Variants in ZNF586 observed in about 807,000 individuals in gnomAD.
The protein encoded by ZNF586 is zinc finger protein 586.
In ZNF586, 7 loss-of-function variants were observed where a neutral mutation model predicts 6.7. The observed-to-expected ratio is 1.04, with a 90% CI of 0.59 to 1.95. The LOEUF is 1.95. Among genes scored for constraint, ZNF586 ranks in the 30% most tolerant of loss-of-function variants. The probability of loss-of-function intolerance (pLI) is 0.00; values close to 1 mark genes in which losing one functional copy is unlikely to be tolerated. For synonymous variants in ZNF586, 166 were observed against 168.7 expected, an observed-to-expected ratio of 0.98 and a Z score of 0.12; for missense variants, 442 against 489.6, an observed-to-expected ratio of 0.90 and a Z score of 0.92.
chr19:57,779,729 C>G lies in ZNF586; in HGVS notation c.1142C>G (p.Ser381Ter), dbSNP rs1237302527. The G allele has an allele frequency of 6.2e-7, 1 of 1,613,430 alleles. No homozygotes were observed. The highest frequency in any genetic ancestry group is 1.7e-5 in the Admixed American group (1 of 59,990). ...RPYECIDCGK[S>*]FRHSSSFRRH... is the part of the protein sequence containing the mutation. ...TATGAATGCATTGATTGTGGAAAATCATTTCGCCACAGTTCTTCGTTCCGT... is the reference window on the plus strand; with the variant it reads ...TATGAATGCATTGATTGTGGAAAATGATTTCGCCACAGTTCTTCGTTCCGT... The change falls in exon 3 of 3, where the codon TCA becomes TGA. Residue 381 changes from serine (S) to a stop codon, truncating the protein, a stop_gained. Transcript: ENST00000396154. LOFTEE classifies it low-confidence loss of function (END_TRUNC).
chr19:57,771,429 T>C lies in ZNF586; in HGVS notation c.36+1551T>C, dbSNP rs576608750. On this transcript the variant is annotated intron_variant, in intron 1 of 2. Transcript: ENST00000396154. ...AAGTGCTGGGATGCCAAGCAGGAAC[T>C]ACCGCACCTCCTAGGACACTTAAGT... 5.9e-5 allele frequency among the ~76,000 whole-genome samples: 9 copies of C among 152,064 alleles called. No individual in the cohort carries two copies. The East Asian group carries it at 1.6e-3, about 26-fold the overall frequency.
chr19:57,774,165 G>A (rs9676452), intron 1 of ZNF586, among the ~76,000 whole-genome samples: 1 of 144,782 alleles, frequency 6.9e-6, no homozygotes, highest in Non-Finnish European at 1.5e-5. Context: ...GCAGTGAACC[G>A]AGATTGTGTC....
chr19:57,779,343 C>T lies in ZNF586; in HGVS notation c.756C>T (p.His252=), dbSNP rs763510801. Residue 252 remains histidine (H), a synonymous_variant, in exon 3 of 3, where the codon CAC becomes CAT. Transcript: ENST00000396154. ...CTGAAAACTCCAGTCTTATTAAACA[C>T]TTGAGAGTTCACACAGGAGAAAGGC... is the stretch of plus-strand genomic sequence containing the variant. ...SFAENSSLIK[H]LRVHTGERPY... is the part of the protein sequence containing the mutation. 3.7e-6 allele frequency: 6 copies of T among 1,612,648 alleles called. No homozygotes were observed. In the Admixed American group the frequency reaches 5.0e-5, roughly 13 times the overall value.
intron 2 of ZNF586, among the ~76,000 whole-genome samples, chr19:57,777,871 T>C (rs1282177035): frequency 6.9e-6 from 1 of 145,036 alleles, no homozygotes; most frequent in Non-Finnish European, 1.5e-5. Flanking sequence ...TTCTCTGGCC[T>C]CAGCCTCCTG....
intron 1 of ZNF586, among the ~76,000 whole-genome samples, chr19:57,775,877 C>T (rs921793113): frequency 1.3e-5 from 2 of 152,188 alleles, no homozygotes; most frequent in Admixed American, 6.5e-5. Context: ...ACTGGGATTA[C>T]AGGCGTGCGC....
At chr19:57,769,903 T>TTGCCCCCCCA in intron 1 of ZNF586, 25 bp downstream of exon 1, 23 of 1,475,800 alleles carry the variant, frequency 1.6e-5, no homozygotes, top group Non-Finnish European at 1.9e-5. Flanking sequence ...CTCCGGGCCT[T>TTGCCCCCCCA]ACCCACCCTA....
chr19:57,778,072 T>C (rs1020119878), intron 2 of ZNF586, among the ~76,000 whole-genome samples: 50 of 131,522 alleles, frequency 3.8e-4, no homozygotes, highest in Middle Eastern at 3.8e-3. Flanking sequence ...GAGTATATAA[T>C]CTTTTTTTTT....
At chr19:57,772,452 G>C (rs868323417) in intron 1 of ZNF586, among the ~76,000 whole-genome samples, 1 of 151,978 alleles carries the variant, frequency 6.6e-6, no homozygotes, top group Non-Finnish European at 1.5e-5. Flanking sequence ...TCAGTCCCAC[G>C]GGACTGTCCG....
chr19:57,773,019 A>C (rs751126062), intron 1 of ZNF586, among the ~76,000 whole-genome samples: 2 of 152,192 alleles, frequency 1.3e-5, no homozygotes, highest in Non-Finnish European at 2.9e-5. Flanking sequence ...TGAGAATTTC[A>C]TGAATTTTAG....
At chr19:57,775,326 CAG>C (rs767436515) in intron 1 of ZNF586, among the ~76,000 whole-genome samples, 5 of 152,050 alleles carry the variant, frequency 3.3e-5, no homozygotes, top group Non-Finnish European at 7.4e-5. Flanking sequence ...TTTCTACCCA[CAG>C]AGTTACTCAA....
In ZNF586 at chr19:57,779,208, A is replaced by T; in HGVS notation, c.621A>T (p.Glu207Asp). Reference sequence around the variant, plus strand: ...TTCACTCTGGAGCAAAGCGTTATGAATGCAATGAATGTGGGAAGTCCTTTG... The same window carrying T: ...TTCACTCTGGAGCAAAGCGTTATGATTGCAATGAATGTGGGAAGTCCTTTG... ...RKVHSGAKRY[E>D]CNECGKSFAY... Residue 207 changes from glutamate to aspartate, a missense_variant, in exon 3 of 3, where the codon GAA (glutamate) becomes GAT (aspartate). Glu to Asp is a conservative substitution (Grantham distance 45). Transcript: ENST00000396154. The T allele has an allele frequency of 6.2e-7, 1 of 1,614,066 alleles. No individual in the cohort carries two copies. The highest frequency in any genetic ancestry group is 8.5e-7 in the Non-Finnish European group (1 of 1,180,002).
intron 1 of ZNF586, among the ~76,000 whole-genome samples, chr19:57,770,385 A>G (rs1987066773): frequency 6.6e-6 from 1 of 152,002 alleles, no homozygotes; most frequent in Admixed American, 6.6e-5. Context: ...TCGGCCTCCC[A>G]AAGTGCTGGG....
At chr19:57,778,400 C>T (rs1291455904) in intron 2 of ZNF586, among the ~76,000 whole-genome samples, 1 of 152,062 alleles carries the variant, frequency 6.6e-6, no homozygotes, top group Non-Finnish European at 1.5e-5. Context: ...CTTAACAGTC[C>T]CTGACCAAAG....
chr19:57,780,128 A>C lies in ZNF586; in HGVS notation c.*332A>C. ...GCCTAAATTGAATGTCATACATCAAATAGCTGCATACATTCCAGGTATGTG... is the reference window on the plus strand; with the variant it reads ...GCCTAAATTGAATGTCATACATCAACTAGCTGCATACATTCCAGGTATGTG... On this transcript the variant is annotated 3_prime_UTR_variant, in exon 3 of 3. Coordinates refer to ENST00000396154, the MANE Select transcript of ZNF586 (RefSeq NM_017652.4). 3.4e-6 allele frequency: 1 copy of C among 293,360 alleles called. No individual in the cohort carries two copies. The highest frequency in any genetic ancestry group is 2.2e-5 in the African/African-American group (1 of 45,956). 18.2% of individuals were successfully genotyped at this position (293,360 alleles called of 1,614,324 possible).
In ZNF586 at chr19:57,769,828, C is replaced by CA. The variant is rs1017145220; in HGVS notation, c.-15_-14insA. 19 of 1,545,660 alleles carry CA rather than the reference C, an allele frequency of 1.2e-5. No individual in the cohort carries two copies. Among genetic ancestry groups the CA allele is most frequent in the East Asian group, 4.9e-5 (2 of 40,620 alleles). On this transcript the variant is annotated 5_prime_UTR_variant, in exon 1 of 3. Transcript: ENST00000396154. The stretch of plus-strand genomic sequence containing the variant: ...GGAACACCGCCGAGCCCGCGTTCCC[C>CA]CCCCGCCCAGAGTCATGGCGGCAGC...
Position 57,769,763 on chromosome 19 carries a change from G to C in ZNF586, c.-80G>C, listed in dbSNP as rs1440750316. 7 of 1,456,930 alleles carry C rather than the reference G, an allele frequency of 4.8e-6. No homozygotes were observed. The highest frequency in any genetic ancestry group is 2.0e-5 in the Admixed American group (1 of 50,646). 90.3% of individuals were successfully genotyped at this position (1,456,930 alleles called of 1,614,324 possible). A position where few individuals can be genotyped will look rare whatever the true frequency, so the allele number is the denominator to read the frequency against. ...TTGCACACAGGCGGATCTGAGGTTCGGCGACGCCGCTGGTCGCGACCCGGG... is the reference window on the plus strand; with the variant it reads ...TTGCACACAGGCGGATCTGAGGTTCCGCGACGCCGCTGGTCGCGACCCGGG... On this transcript the variant is annotated 5_prime_UTR_variant, in exon 1 of 3. Coordinates refer to ENST00000396154, the MANE Select transcript of ZNF586 (RefSeq NM_017652.4).
intron 1 of ZNF586, among the ~76,000 whole-genome samples, chr19:57,772,173 A>C (rs958179365): frequency 2.0e-5 from 3 of 152,310 alleles, no homozygotes; most frequent in East Asian, 3.9e-4. Context: ...GGATTCAGGA[A>C]ACACCCCTGG....
Position 57,778,627 on chromosome 19 carries a change from C to T in ZNF586, c.164-124C>T. 4 of 874,352 alleles carry T rather than the reference C, an allele frequency of 4.6e-6. No homozygotes were observed. The South Asian group carries it at 5.4e-5, about 12-fold the overall frequency. The allele number at this position is 874,352 out of a possible 1,614,324, so 54.2% of individuals were successfully genotyped here. ...TAAGCAGCCCCAACCTCAACCTGAA[C>T]CCAACTCCCTGTTTGTGCAAATAAT... On this transcript the variant is annotated intron_variant, in intron 2 of 2. Transcript: ENST00000396154.
intron 1 of ZNF586, among the ~76,000 whole-genome samples, chr19:57,775,289 C>A (rs1987207321): frequency 6.6e-6 from 1 of 152,208 alleles, no homozygotes; most frequent in Non-Finnish European, 1.5e-5. Flanking sequence ...GCGTGAGCCA[C>A]CGCACCCAAT....
Sources: gnomAD v4.1 joint callset for allele counts (sites outside exome capture counted in the v4.1 genomes callset) on GRCh38, gnomAD v4.1.1 for gene constraint, MANE v1.5 for transcripts, NCBI Gene and HGNC (gene_info 2026-07-23, HGNC 2026-07-21) for gene names.